Variants in KIRREL2 observed in about 807,000 individuals in gnomAD.
The protein encoded by KIRREL2 is kirre like nephrin family adhesion molecule 2.
In KIRREL2, 56 loss-of-function variants were observed where a neutral mutation model predicts 73.4. The ratio of observed to expected loss-of-function variants is 0.76; its 90% confidence interval spans 0.62 to 0.95. KIRREL2 has a LOEUF of 0.95. KIRREL2 is among the 40% of genes least tolerant of loss of function. The pLI, the probability that KIRREL2 is intolerant of heterozygous loss-of-function variation, is 0.00. For missense variants in KIRREL2, 896 were observed against 935.0 expected, an observed-to-expected ratio of 0.96 and a Z score of 0.54; for synonymous variants, 407 against 404.0, an observed-to-expected ratio of 1.01 and a Z score of -0.09.
intron 9 of KIRREL2, 100 bp downstream of exon 9, chr19:35,861,354 T>C (rs1001376486): frequency 1.8e-5 from 27 of 1,502,526 alleles, no homozygotes; most frequent in Admixed American, 2.3e-5. Context: ...TGGAAGGAGC[T>C]TTACACCCAG....
At chr19:35,856,886 G>T (rs1353769980), upstream of KIRREL2, 4 of 591,686 alleles carry the variant, frequency 6.8e-6, no homozygotes, top group Non-Finnish European at 9.1e-6. The surrounding 1 kb of genome is among the most constrained non-coding windows in gnomAD (Gnocchi z 5.9). Flanking sequence ...GGGGCGAGCG[G>T]GATCGGGCCC....
chr19:35,865,359 C>A (rs1468358827), intron 14 of KIRREL2, among the ~76,000 whole-genome samples: 1 of 151,924 alleles, frequency 6.6e-6, no homozygotes, highest in African/African-American at 2.4e-5. Context: ...CCATGTTGGC[C>A]AGGCTGATCT....
intron 3 of KIRREL2, 32 bp from the exon 4 acceptor site, chr19:35,858,672 G>T (rs1004867125): frequency 6.2e-7 from 1 of 1,612,480 alleles, no homozygotes. Flanking sequence ...AGAAGATCAG[G>T]ATCCATCTCT....
chr19:35,851,869 C>G (rs748740044), upstream of KIRREL2: 64 of 1,546,038 alleles, frequency 4.1e-5, no homozygotes, highest in South Asian at 7.0e-4. Context: ...CCCCACAGCG[C>G]CCGCTGCCAG....
At chr19:35,861,069 G>A (rs543176004) in intron 8 of KIRREL2, 33 bp downstream of exon 8, 7 of 1,606,390 alleles carry the variant, frequency 4.4e-6, no homozygotes, top group African/African-American at 2.7e-5. Flanking sequence ...GTGGCTGGAG[G>A]GGGACCAGGC....
At chr19:35,866,066 G>A in intron 14 of KIRREL2, 91 bp from the exon 15 acceptor site, 2 of 1,245,366 alleles carry the variant, frequency 1.6e-6, no homozygotes, top group South Asian at 1.4e-5. Flanking sequence ...TCTCTCTCAA[G>A]GTCTGGTCTA....
At chr19:35,857,598 T>C (rs1233703563) in intron 2 of KIRREL2, 104 bp downstream of exon 2, 5 of 1,230,912 alleles carry the variant, frequency 4.1e-6, no homozygotes, top group East Asian at 2.5e-5. Context: ...TTTGGGAAAT[T>C]GATGGGCTCG....
rs544977370 is a variant in KIRREL2, at chr19:35,859,839, G to A, written c.673+208G>A. Among the ~76,000 whole-genome samples, 27 of 152,316 alleles carry A rather than the reference G, an allele frequency of 1.8e-4. 1 individual carries two copies. In the East Asian group the frequency reaches 5.0e-3, roughly 28 times the overall value. ...GCAGGCGGATCATCTAAGATCAGGA[G>A]TTCGAGACCAGTCTGGCTAACATGT... is the stretch of plus-strand genomic sequence containing the variant. On this transcript the variant is annotated intron_variant, in intron 5 of 14. Transcript: ENST00000360202.
rs768171984 is a variant in KIRREL2 at position 35,857,471 on chromosome 19, T to C, written c.188T>C (p.Leu63Pro). The C allele has an allele frequency of 1.4e-5, 23 of 1,603,386 alleles. No individual in the cohort carries two copies. The highest frequency in any genetic ancestry group is 2.0e-5 in the Non-Finnish European group (23 of 1,175,706). ...LVQWTKSGLA[L>P]GGQRDLPGWS... ...CAGTGGACTAAGAGTGGGCTGGCCC[T>C]AGGGGGCCAAAGGGACCTACCAGGT... is the stretch of plus-strand genomic sequence containing the variant. Residue 63 changes from leucine to proline, a missense_variant, in exon 2 of 15, where the codon CTA becomes CCA. Transcript: ENST00000360202.
chr19:35,861,228 C>A lies in KIRREL2; in HGVS notation c.1163C>A (p.Ala388Asp). 6.5e-7 allele frequency: 1 copy of A among 1,535,264 alleles called. No individual in the cohort carries two copies. Among genetic ancestry groups the A allele is most frequent in the Non-Finnish European group, 8.7e-7 (1 of 1,150,036 alleles). ...EAGLSGLRGG[A>D]AEARLTVNAP... ...GGGCTATCGGGCCTGCGGGGCGGCG[C>A]CGCGGAGGCTCGGCTGACTGTGAAC... Residue 388 changes from alanine to aspartate, a missense_variant, in exon 9 of 15, where the codon GCC becomes GAC. Physicochemically the swap from Ala to Asp is moderately radical, Grantham distance 126. Transcript: ENST00000360202.
chr19:35,862,078 C>T (rs1211585983), intron 11 of KIRREL2, 54 bp downstream of exon 11: 5 of 1,466,638 alleles, frequency 3.4e-6, no homozygotes, highest in Non-Finnish European at 4.7e-6. Context: ...CCCACAAACG[C>T]AGGGATCCCC....
chr19:35,861,852 G>A lies in KIRREL2; in HGVS notation c.1338G>A (p.Arg446=), dbSNP rs755898565. ...EGFLEAGSQG[R]FLVETFPAPE... Reference sequence around the variant, plus strand: ...TCCTGGAGGCGGGGTCGCAGGGCCGGTTCCTGGTGGAGACATTCCCTGCCC... The same window carrying A: ...TCCTGGAGGCGGGGTCGCAGGGCCGATTCCTGGTGGAGACATTCCCTGCCC... The change falls in exon 11 of 15, where the codon CGG becomes CGA. Residue 446 remains arginine (R), a synonymous_variant. Transcript: ENST00000360202. 1 of 1,588,886 alleles carries A rather than the reference G, an allele frequency of 6.3e-7. No individual in the cohort carries two copies. Among genetic ancestry groups the A allele is most frequent in the Non-Finnish European group, 8.6e-7 (1 of 1,167,660 alleles).
chr19:35,852,895 A>G (rs1973308921), upstream of KIRREL2, among the ~76,000 whole-genome samples: 1 of 152,008 alleles, frequency 6.6e-6, no homozygotes, highest in Admixed American at 6.6e-5. Flanking sequence ...CCCAGGTTCA[A>G]GTAATTCTCC....
rs202110217 is a variant in KIRREL2 at position 35,861,224 on chromosome 19, G to T, written c.1159G>T (p.Gly387Cys). ...AEAGLSGLRG[G>C]AAEARLTVNA... ...GGCTGGGCTATCGGGCCTGCGGGGC[G>T]GCGCCGCGGAGGCTCGGCTGACTGT... Residue 387 changes from glycine (G) to cysteine (C), a missense_variant, in exon 9 of 15, where the codon GGC becomes TGC. Coordinates refer to ENST00000360202, the MANE Select transcript of KIRREL2 (RefSeq NM_199180.4). The T allele has an allele frequency of 2.0e-6, 3 of 1,536,722 alleles. No homozygotes were observed. Among genetic ancestry groups the T allele is most frequent in the East Asian group, 4.5e-5 (2 of 44,268 alleles).
intron 13 of KIRREL2, 45 bp from the exon 14 acceptor site, chr19:35,864,603 G>T (rs1210243449): frequency 6.6e-7 from 1 of 1,525,374 alleles, no homozygotes; most frequent in East Asian, 2.3e-5. Context: ...CATTGGGGCG[G>T]GGGGATCCTC....
In KIRREL2 at chr19:35,861,254, G is replaced by T. The variant is rs780588825; in HGVS notation, c.1189G>T (p.Ala397Ser). The T allele has an allele frequency of 3.9e-6, 6 of 1,526,926 alleles. No individual in the cohort carries two copies. The South Asian group carries it at 7.7e-5, about 20-fold the overall frequency. 94.6% of individuals were successfully genotyped at this position (1,526,926 alleles called of 1,614,324 possible). Reference protein sequence around the residue: ...GAAEARLTVNAPPVVTALHSA... With the variant: ...GAAEARLTVNSPPVVTALHSA... Reference sequence around the variant, plus strand: ...CGCGGAGGCTCGGCTGACTGTGAACGGTGAGAAGGCGGGGCTTCCTAGGGG... The same window carrying T: ...CGCGGAGGCTCGGCTGACTGTGAACTGTGAGAAGGCGGGGCTTCCTAGGGG... Residue 397 changes from alanine to serine, a missense_variant and splice_region_variant, in exon 9 of 15, where the codon GCT (alanine) becomes TCT (serine). Transcript: ENST00000360202.
chr19:35,859,370 G>T, intron 4 of KIRREL2, 111 bp from the exon 5 acceptor site: 3 of 896,740 alleles, frequency 3.3e-6, no homozygotes, highest in East Asian at 2.5e-5. Flanking sequence ...TATCATTAGT[G>T]TTAGTATGTG....
upstream of KIRREL2, chr19:35,851,838 C>T (rs1973273694): frequency 1.3e-6 from 2 of 1,551,132 alleles, no homozygotes; most frequent in Non-Finnish European, 8.7e-7. Context: ...CCAGGGCCAT[C>T]ACAGGTCCCC....
In KIRREL2 at chr19:35,860,361, C is replaced by T. The variant is rs376233310; in HGVS notation, c.738C>T (p.Phe246=). Residue 246 remains phenylalanine (F), a synonymous_variant, in exon 6 of 15, where the codon TTC becomes TTT. Coordinates refer to ENST00000360202, the MANE Select transcript of KIRREL2 (RefSeq NM_199180.4). ...TGCAGGAGGGAGAGAAGGTCATTTT[C>T]CTGTGCCAGGCCACAGCCCAGCCTC... ...HTVQEGEKVI[F]LCQATAQPPV... 48 of 1,613,826 alleles carry T rather than the reference C, an allele frequency of 3.0e-5. No individual in the cohort carries two copies. In the African/African-American group the frequency reaches 4.7e-4, roughly 16 times the overall value.
Sources: allele counts gnomAD v4.1 joint callset (sites outside exome capture counted in the v4.1 genomes callset), GRCh38; gene constraint gnomAD v4.1.1; non-coding constraint Gnocchi (gnomAD v3.1); transcripts MANE v1.5; gene names NCBI Gene and HGNC (gene_info 2026-07-23, HGNC 2026-07-21).